Variants in PILRB observed in about 807,000 individuals in gnomAD.
PILRB encodes the protein paired immunoglobin like type 2 receptor beta.
A neutral mutation model predicts 20.5 loss-of-function variants in PILRB; 21 were observed. That is an observed-to-expected ratio of 1.02 (90% CI 0.72 to 1.47). The LOEUF is 1.47. Ranked by LOEUF, PILRB falls within the 40% of genes most tolerant of loss-of-function variation. The pLI, the probability that PILRB is intolerant of heterozygous loss-of-function variation, is 0.00. For synonymous variants in PILRB, 133 were observed against 115.1 expected (o/e 1.16, Z -0.99); for missense variants, 253 against 272.1 (o/e 0.93, Z 0.49).
chr7:100,364,962 A>T (rs1790634055), intron 3 of PILRB, among the ~76,000 whole-genome samples: 1 of 152,134 alleles, frequency 6.6e-6, no homozygotes, highest in South Asian at 2.1e-4. Context: ...TATTAAAAAA[A>T]AAAAGTTCTG....
chr7:100,364,213 T>A (rs565480134), intron 3 of PILRB, among the ~76,000 whole-genome samples: 2 of 152,220 alleles, frequency 1.3e-5, no homozygotes, highest in South Asian at 4.1e-4. Context: ...GGTGCCAAGA[T>A]GACCACTCGA....
Position 100,359,386 on chromosome 7 carries a change from C to T in PILRB, c.504C>T (p.Ala168=), listed in dbSNP as rs199821993. The stretch of plus-strand genomic sequence containing the variant: ...GGCCCAGCAGCACAACCACCATAGC[C>T]GGCCTCAGGGTCACAGAAAGCAAAG... ...TWRPSSTTTI[A]GLRVTESKGH... Residue 168 remains alanine (A), a synonymous_variant, in exon 3 of 4, where the codon GCC becomes GCT. Coordinates refer to ENST00000609309, the MANE Select transcript of PILRB (RefSeq NM_178238.4). The T allele has an allele frequency of 1.5e-5, 25 of 1,614,152 alleles. No homozygotes were observed. The East Asian group carries it at 4.9e-4, about 32-fold the overall frequency.
At chr7:100,359,575 A>C in intron 3 of PILRB, 38 bp downstream of exon 3, 1 of 1,575,746 alleles carries the variant, frequency 6.3e-7, no homozygotes, top group Non-Finnish European at 8.7e-7. Context: ...CAAGCTTCCC[A>C]GCTGGGGGTT....
chr7:100,365,765 C>G (rs184530168), intron 3 of PILRB, among the ~76,000 whole-genome samples: 19 of 152,146 alleles, frequency 1.2e-4, no homozygotes, highest in African/African-American at 4.1e-4. Context: ...TTGCAGTGAG[C>G]TGAGATCACG....
chr7:100,359,879 T>C (rs1356867950), intron 3 of PILRB, among the ~76,000 whole-genome samples: 2 of 152,050 alleles, frequency 1.3e-5, no homozygotes, highest in African/African-American at 4.8e-5. Flanking sequence ...AAAAATTAGC[T>C]GGGCATGGTG....
chr7:100,366,329 C>G (rs976740598), intron 3 of PILRB, among the ~76,000 whole-genome samples: 4 of 151,950 alleles, frequency 2.6e-5, no homozygotes, highest in Admixed American at 2.6e-4. Context: ...AGTTCCCAGT[C>G]CCAACATTAA....
intron 3 of PILRB, among the ~76,000 whole-genome samples, chr7:100,364,217 C>T (rs1003393914): frequency 4.6e-5 from 7 of 152,064 alleles, no homozygotes; most frequent in Non-Finnish European, 7.4e-5. Context: ...CCAAGATGAC[C>T]ACTCGACGAA....
chr7:100,359,341 C>T lies in PILRB; in HGVS notation c.459C>T (p.Val153=). ...CTCATTCCTCATCTCTTCCAGCTGT[C>T]ACAACCACCACCACCTGGAGGCCCA... ...KGTKLTITQA[V]TTTTTWRPSS... The change falls in exon 3 of 4, where the codon GTC becomes GTT. Residue 153 remains valine (V), a synonymous_variant. Coordinates refer to ENST00000609309, the MANE Select transcript of PILRB (RefSeq NM_178238.4). 1 of 1,614,098 alleles carries T rather than the reference C, an allele frequency of 6.2e-7. No individual in the cohort carries two copies. The highest frequency in any genetic ancestry group is 8.5e-7 in the Non-Finnish European group (1 of 1,180,004).
chr7:100,359,425 A>T lies in PILRB; in HGVS notation c.543A>T (p.Ser181=). 6.2e-7 allele frequency: 1 copy of T among 1,614,130 alleles called. No individual in the cohort carries two copies. Among genetic ancestry groups the T allele is most frequent in the African/African-American group, 1.3e-5 (1 of 75,024 alleles). ...RVTESKGHSE[S]WHLSLDTAIR... ...CAGAAAGCAAAGGGCACTCAGAATC[A>T]TGGCACCTAAGTCTGGACACTGCCA... Residue 181 remains serine (S), a synonymous_variant, in exon 3 of 4, where the codon TCA becomes TCT. Coordinates refer to ENST00000609309, the MANE Select transcript of PILRB (RefSeq NM_178238.4).
At chr7:100,364,163 A>G (rs1026129424) in intron 3 of PILRB, among the ~76,000 whole-genome samples, 1 of 152,130 alleles carries the variant, frequency 6.6e-6, no homozygotes, top group Non-Finnish European at 1.5e-5. Context: ...AGAGCCCACA[A>G]ATAAACCCTC....
At chr7:100,366,846 CAG>C (rs1790704370) in intron 3 of PILRB, among the ~76,000 whole-genome samples, 1 of 152,012 alleles carries the variant, frequency 6.6e-6, no homozygotes, top group African/African-American at 2.4e-5. Context: ...AGGAAGCCAA[CAG>C]AGGGTAGCAA....
Position 100,367,546 on chromosome 7 carries a change from A to T in PILRB, c.*169A>T. The T allele has an allele frequency of 1.6e-6, 1 of 624,656 alleles. No individual in the cohort carries two copies. The highest frequency in any genetic ancestry group is 2.9e-6 in the Non-Finnish European group (1 of 339,630). The allele number at this position is 624,656 out of a possible 1,614,324, so 38.7% of individuals were successfully genotyped here. A position where few individuals can be genotyped will look rare whatever the true frequency, so the allele number is the denominator to read the frequency against. ...CAGAAGGAGGCTGGGTCCCTGAATC[A>T]CCGACTGGAGGAGAGTTACCTACAA... On this transcript the variant is annotated 3_prime_UTR_variant, in exon 4 of 4. Transcript: ENST00000609309.
intron 3 of PILRB, among the ~76,000 whole-genome samples, chr7:100,363,938 A>G (rs1790600521): frequency 6.6e-6 from 1 of 152,052 alleles, no homozygotes; most frequent in Non-Finnish European, 1.5e-5. Flanking sequence ...GAGAAACCCC[A>G]TCTCTACTAA....
At chr7:100,363,015 T>C (rs1790574247) in intron 3 of PILRB, among the ~76,000 whole-genome samples, 1 of 151,716 alleles carries the variant, frequency 6.6e-6, no homozygotes, top group African/African-American at 2.4e-5. Flanking sequence ...GAAGTCAGGC[T>C]GGTCACAGTG....
At chr7:100,358,525 A>T (rs1245035459) in intron 1 of PILRB, among the ~76,000 whole-genome samples, 159 bp downstream of exon 1, 2 of 151,118 alleles carry the variant, frequency 1.3e-5, no homozygotes, top group African/African-American at 2.4e-5. Context: ...TTCCCCCTCC[A>T]CCCTCCCCCA....
intron 1 of PILRB, 25 bp from the exon 2 acceptor site, chr7:100,358,665 C>A: frequency 1.2e-6 from 2 of 1,609,682 alleles, no homozygotes; most frequent in South Asian, 2.2e-5. Context: ...AGGTCTCTCC[C>A]CCACTCACTC....
At chr7:100,364,882 A>C (rs1402951491) in intron 3 of PILRB, among the ~76,000 whole-genome samples, 2 of 152,110 alleles carry the variant, frequency 1.3e-5, no homozygotes, top group Non-Finnish European at 2.9e-5. Context: ...TGAGCCCAGG[A>C]GGTTGAGGGT....
chr7:100,363,572 G>T (rs754818047), intron 3 of PILRB, among the ~76,000 whole-genome samples: 1 of 152,180 alleles, frequency 6.6e-6, no homozygotes, highest in Non-Finnish European at 1.5e-5. Flanking sequence ...GGAGTGGAAA[G>T]ATTAATATTG....
Position 100,367,450 on chromosome 7 carries a change from C to G in PILRB, c.*73C>G. 2.6e-6 allele frequency: 2 copies of G among 772,030 alleles called. No homozygotes were observed. The highest frequency in any genetic ancestry group is 1.7e-5 in the Admixed American group (1 of 58,838). The allele number at this position is 772,030 out of a possible 1,614,324, so 47.8% of individuals were successfully genotyped here. On this transcript the variant is annotated 3_prime_UTR_variant, in exon 4 of 4. Coordinates refer to ENST00000609309, the MANE Select transcript of PILRB (RefSeq NM_178238.4). Reference sequence around the variant, plus strand: ...GATGTGAGACCCGCTTGTGAGTCCTCCACACTCGTTCCCCATTGGCAAGAT... The same window carrying G: ...GATGTGAGACCCGCTTGTGAGTCCTGCACACTCGTTCCCCATTGGCAAGAT...
Sources: allele counts gnomAD v4.1 joint callset (sites outside exome capture counted in the v4.1 genomes callset), GRCh38; gene constraint gnomAD v4.1.1; transcripts MANE v1.5; gene names NCBI Gene and HGNC (gene_info 2026-07-23, HGNC 2026-07-21).